OR4Q3: variants seen among roughly 807,000 people sequenced by gnomAD.
The protein encoded by OR4Q3 is olfactory receptor family 4 subfamily Q member 3.
OR4Q3 carries 17 observed loss-of-function variants against 18.8 expected under a neutral mutation model. The observed-to-expected ratio is 0.91, with a 90% confidence interval of 0.62 to 1.36. The LOEUF (loss-of-function observed/expected upper bound fraction) is 1.36. Ranked by LOEUF, OR4Q3 falls within the 40% of genes most tolerant of loss-of-function variation. The pLI is 0.00. For missense variants in OR4Q3, 378 were observed against 373.4 expected (o/e 1.01, Z -0.10); for synonymous variants, 158 against 145.8 (o/e 1.08, Z -0.60).
chr14:19,752,106 G>A, downstream of OR4Q3, among the ~76,000 whole-genome samples: 2 of 152,126 alleles, frequency 1.3e-5, no homozygotes, highest in Admixed American at 6.5e-5. Flanking sequence ...CTTGACATTG[G>A]CCTTGGGAAA....
chr14:19,750,237 A>G, downstream of OR4Q3, among the ~76,000 whole-genome samples: 1 of 152,138 alleles, frequency 6.6e-6, no homozygotes, highest in African/African-American at 2.4e-5. Context: ...TGCCTGCCTC[A>G]GCCTCTCAAA....
At chr14:19,745,423 C>T in intron 1 of OR4Q3, among the ~76,000 whole-genome samples, 3 of 152,078 alleles carry the variant, frequency 2.0e-5, no homozygotes, top group Non-Finnish European at 2.9e-5. Flanking sequence ...ACAAGTGTAC[C>T]ATACACCTTT....
chr14:19,746,785 C>T, intron 1 of OR4Q3, among the ~76,000 whole-genome samples: 1 of 152,336 alleles, frequency 6.6e-6, no homozygotes, highest in South Asian at 2.1e-4. Flanking sequence ...TACAACATAG[C>T]AATTTGTTGT....
intron 1 of OR4Q3, among the ~76,000 whole-genome samples, chr14:19,746,965 T>G: frequency 6.6e-6 from 1 of 152,216 alleles, no homozygotes; most frequent in Non-Finnish European, 1.5e-5. Flanking sequence ...TCTTGGGAGA[T>G]ATTATTAACT....
chr14:19,746,895 C>G, intron 1 of OR4Q3, among the ~76,000 whole-genome samples: 1 of 151,008 alleles, frequency 6.6e-6, no homozygotes, highest in African/African-American at 2.4e-5. Flanking sequence ...ATTTCCTCAT[C>G]TTGAGAGATT....
chr14:19,747,990 T>G, exon 2 of OR4Q3: 1 of 1,614,088 alleles, frequency 6.2e-7, no homozygotes, highest in Non-Finnish European at 8.5e-7. Flanking sequence ...GTCATCAAGC[T>G]GGCCTGCATG....
chr14:19,747,912 T>C, exon 2 of OR4Q3: 2 of 1,614,040 alleles, frequency 1.2e-6, no homozygotes, highest in East Asian at 4.5e-5. Context: ...ATGCAGGTCA[T>C]ACTAGTCATC....
At chr14:19,746,425 A>C in intron 1 of OR4Q3, among the ~76,000 whole-genome samples, 1 of 152,272 alleles carries the variant, frequency 6.6e-6, no homozygotes, top group Non-Finnish European at 1.5e-5. Context: ...TTATTTTCTT[A>C]TGTATCTATG....
chr14:19,746,828 T>C lies in OR4Q3; in HGVS notation c.3-578T>C. On this transcript the variant is annotated intron_variant, in intron 1 of 1. Transcript: ENST00000642117. ...ACATTCTTCCTTCGATTTGATAAAT[T>C]ATTGAGCTTCTGCTATGCAGTAAGT... Among the ~76,000 whole-genome samples the C allele has an allele frequency of 5.3e-5, 8 of 152,230 alleles. No individual in the cohort carries two copies. In the East Asian group the frequency reaches 5.8e-4, roughly 11 times the overall value.
At chr14:19,749,735 T>C, downstream of OR4Q3, among the ~76,000 whole-genome samples, 4 of 150,830 alleles carry the variant, frequency 2.7e-5, no homozygotes, top group East Asian at 7.7e-4. Context: ...TTCTTTTTCT[T>C]TCTTTCTCTC....
intron 1 of OR4Q3, among the ~76,000 whole-genome samples, chr14:19,746,606 C>G: frequency 6.6e-6 from 1 of 151,994 alleles, no homozygotes; most frequent in Non-Finnish European, 1.5e-5. Flanking sequence ...CCGAGTCTGA[C>G]GCTTCCCTAA....
downstream of OR4Q3, among the ~76,000 whole-genome samples, chr14:19,751,599 T>C: frequency 1.3e-5 from 2 of 152,080 alleles, no homozygotes; most frequent in Non-Finnish European, 2.9e-5. Flanking sequence ...GATTACAATC[T>C]CTTCCTAATT....
At chr14:19,751,616 TA>T, downstream of OR4Q3, among the ~76,000 whole-genome samples, 3 of 152,150 alleles carry the variant, frequency 2.0e-5, no homozygotes, top group African/African-American at 7.2e-5. Flanking sequence ...AATTCAATCT[TA>T]GAAGATTGTG....
chr14:19,747,651 G>A, exon 2 of OR4Q3: 3 of 1,614,036 alleles, frequency 1.9e-6, no homozygotes, highest in Non-Finnish European at 2.5e-6. Context: ...CTATGCCTGA[G>A]CTGTGTTACT....
Position 19,747,109 on chromosome 14 carries a change from CAT to C in OR4Q3, c.3-296_3-295del. Among the ~76,000 whole-genome samples, 10 of 152,312 alleles carry C rather than the reference CAT, an allele frequency of 6.6e-5. No homozygotes were observed. In the South Asian group the frequency reaches 2.1e-3, roughly 32 times the overall value. ...TTCCAGAACTTTTGTCCTTAGAGGA[CAT>C]TATTCTGTCTATTAAAAGAAATGGA... On this transcript the variant is annotated intron_variant, in intron 1 of 1. Transcript: ENST00000642117.
chr14:19,745,511 T>G, intron 1 of OR4Q3, among the ~76,000 whole-genome samples: 1 of 152,200 alleles, frequency 6.6e-6, no homozygotes, highest in Non-Finnish European at 1.5e-5. Flanking sequence ...TAACATTGTG[T>G]AGGATTATGT....
At chr14:19,749,097 AATAGATAAGCTGGCTCTTCAACTGACC>A in exon 2 of OR4Q3, 1 of 152,400 alleles carries the variant, frequency 6.6e-6, no homozygotes, top group Admixed American at 6.5e-5. Context: ...AGTGGGGGTG[AATAGATAAGCTGGCTCTTCAACTGACC>A]ATAATGTTTA....
Position 19,747,542 on chromosome 14 carries a change from GT to G in OR4Q3, c.140del (p.Val47AlafsTer6). The G allele has an allele frequency of 6.2e-7, 1 of 1,613,516 alleles. No individual in the cohort carries two copies. Among genetic ancestry groups the G allele is most frequent in the Non-Finnish European group, 8.5e-7 (1 of 1,179,786 alleles). ...ATTTTTGTTTTTTTACATTGCTATTGTCCTGGGAAACCTCTTGATAGTGGTA... is the reference window on the plus strand; with the variant it reads ...ATTTTTGTTTTTTTACATTGCTATTGCCTGGGAAACCTCTTGATAGTGGTA... On this transcript the variant is annotated frameshift_variant, in exon 2 of 2. Coordinates refer to ENST00000642117, the Ensembl canonical transcript of OR4Q3. LOFTEE classifies it high-confidence loss of function.
chr14:19,748,511 T>C, exon 2 of OR4Q3: 13 of 691,916 alleles, frequency 1.9e-5, no homozygotes, highest in Non-Finnish European at 3.0e-5. Flanking sequence ...TCACTCTTGA[T>C]TACAATTTAA....
Sources: allele counts gnomAD v4.1 joint callset (sites outside exome capture counted in the v4.1 genomes callset), GRCh38; gene constraint gnomAD v4.1.1; transcripts MANE v1.5; gene names NCBI Gene and HGNC (gene_info 2026-07-23, HGNC 2026-07-21).